ENOX1: variants seen among roughly 807,000 people sequenced by gnomAD.
ENOX1 encodes ecto-NOX disulfide-thiol exchanger 1.
A neutral mutation model predicts 82.5 loss-of-function variants in ENOX1; 42 were observed. The observed-to-expected ratio is 0.51, with a 90% CI of 0.40 to 0.66. The LOEUF (loss-of-function observed/expected upper bound fraction) is 0.66. ENOX1 is among the 30% of genes least tolerant of loss of function. The pLI is 0.00. For synonymous variants in ENOX1, 271 were observed against 282.2 expected (o/e 0.96, Z 0.40); for missense variants, 608 against 811.6 (o/e 0.75, Z 3.05).
intron 3 of ENOX1, among the ~76,000 whole-genome samples, chr13:43,468,272 C>CAGTCTCCTAAATAG (rs992646794): frequency 2.0e-5 from 3 of 149,512 alleles, no homozygotes; most frequent in Non-Finnish European, 4.5e-5. Context: ...ACCTCCGCCT[C>CAGTCTCCTAAATAG]CTGGGTTCAA....
At chr13:43,577,064 G>A (rs2080460854) in intron 2 of ENOX1, among the ~76,000 whole-genome samples, 1 of 152,234 alleles carries the variant, frequency 6.6e-6, no homozygotes, top group African/African-American at 2.4e-5. Context: ...CAGAGAATGG[G>A]AGAGAAGGGA....
At chr13:43,586,828 G>T (rs1296137121) in intron 2 of ENOX1, among the ~76,000 whole-genome samples, 2 of 152,028 alleles carry the variant, frequency 1.3e-5, no homozygotes, top group Admixed American at 1.3e-4. Context: ...ACTTTGGGAG[G>T]CTGAGGCAGG....
chr13:43,713,074 T>C (rs547422882), intron 1 of ENOX1, among the ~76,000 whole-genome samples: 1 of 152,328 alleles, frequency 6.6e-6, no homozygotes, highest in East Asian at 1.9e-4. Context: ...CTTATTATTT[T>C]GAGATTCGTC....
chr13:43,470,342 G>GTA (rs56828107), intron 3 of ENOX1, among the ~76,000 whole-genome samples: 1,004 of 43,016 alleles, frequency 0.023, 295 homozygotes, highest in Non-Finnish European at 0.035. Flanking sequence ...ATATATATAC[G>GTA]TATATATATA....
intron 2 of ENOX1, among the ~76,000 whole-genome samples, chr13:43,599,173 CAACT>C (rs1421692330): frequency 6.6e-6 from 1 of 152,036 alleles, no homozygotes; most frequent in Non-Finnish European, 1.5e-5. Flanking sequence ...CAAAATTGGA[CAACT>C]ATTCACACCC....
Position 43,638,081 on chromosome 13 carries a change from T to C in ENOX1, c.-219+29398A>G, listed in dbSNP as rs569280070. Among the ~76,000 whole-genome samples the C allele has an allele frequency of 5.3e-5, 8 of 152,310 alleles. 1 individual carries two copies. The highest frequency in any genetic ancestry group is 5.2e-4 in the Admixed American group (8 of 15,292). ...GTTCAACTCGTCCTCTAAGAGGATA[T>C]GGACTAGAAAATCTTTATTGCTGCA... On this transcript the variant is annotated intron_variant, in intron 2 of 16. Coordinates refer to ENST00000690772, the MANE Select transcript of ENOX1 (RefSeq NM_001347969.2).
At chr13:43,439,255 C>T (rs1304824206) in intron 3 of ENOX1, among the ~76,000 whole-genome samples, 5 of 149,450 alleles carry the variant, frequency 3.3e-5, no homozygotes, top group Non-Finnish European at 5.9e-5. Context: ...TTTTTTGAGA[C>T]GGAGTCTCAC....
intron 2 of ENOX1, among the ~76,000 whole-genome samples, chr13:43,486,314 G>A (rs1314625843): frequency 6.6e-6 from 1 of 152,058 alleles, no homozygotes; most frequent in African/African-American, 2.4e-5. Flanking sequence ...AACCCAGGAG[G>A]TGGAGGCTGC....
At chr13:43,333,884 A>G (rs1438080510) in intron 9 of ENOX1, among the ~76,000 whole-genome samples, 1 of 152,206 alleles carries the variant, frequency 6.6e-6, no homozygotes, top group Non-Finnish European at 1.5e-5. Context: ...CGGCCTCGCA[A>G]AGTGCTGGGA....
intron 12 of ENOX1, among the ~76,000 whole-genome samples, chr13:43,273,978 T>G (rs911671443): frequency 9.2e-5 from 14 of 152,108 alleles, no homozygotes; most frequent in Non-Finnish European, 1.6e-4. Context: ...TTTCCCCACT[T>G]CTATGGGATT....
intron 2 of ENOX1, among the ~76,000 whole-genome samples, chr13:43,523,528 A>G (rs1241093038): frequency 6.6e-6 from 1 of 152,178 alleles, no homozygotes; most frequent in Non-Finnish European, 1.5e-5. Context: ...AGGACTGTGA[A>G]CGGGATCAAT....
chr13:43,500,101 T>C (rs1454957903), intron 2 of ENOX1, among the ~76,000 whole-genome samples: 5 of 152,032 alleles, frequency 3.3e-5, no homozygotes, highest in Non-Finnish European at 2.9e-5. Context: ...AGCTAATATA[T>C]GGACTAGCAA....
intron 1 of ENOX1, among the ~76,000 whole-genome samples, chr13:43,693,694 G>T (rs2086488432): frequency 6.6e-6 from 1 of 152,114 alleles, no homozygotes; most frequent in Non-Finnish European, 1.5e-5. Flanking sequence ...CAGCTCTAAG[G>T]ATAAACGCAT....
chr13:43,770,731 G>T (rs1014760958), intron 1 of ENOX1, among the ~76,000 whole-genome samples: 21 of 148,900 alleles, frequency 1.4e-4, no homozygotes, highest in Admixed American at 5.3e-4. Context: ...ACAGACTCAA[G>T]AGATATGCCT....
intron 11 of ENOX1, among the ~76,000 whole-genome samples, chr13:43,309,933 G>A (rs1008613367): frequency 4.6e-5 from 7 of 152,168 alleles, no homozygotes; most frequent in Admixed American, 6.5e-5. Flanking sequence ...ACTGGGCGTG[G>A]TGGCTCACGC....
rs544516761 is a variant in ENOX1, at chr13:43,480,259, A to G, written c.-75+3750T>C. Among the ~76,000 whole-genome samples, 397 of 152,254 alleles carry G rather than the reference A, an allele frequency of 2.6e-3. 1 individual carries two copies. Among genetic ancestry groups the G allele is most frequent in the Non-Finnish European group, 3.0e-3 (204 of 68,018 alleles). On this transcript the variant is annotated intron_variant, in intron 3 of 16. Transcript: ENST00000690772. ...TGGCTGGTTACTAAACATTCTAAACATGCATGGGACAACCTTGCATCACAA... is the reference window on the plus strand; with the variant it reads ...TGGCTGGTTACTAAACATTCTAAACGTGCATGGGACAACCTTGCATCACAA...
chr13:43,432,070 C>G (rs917266749), intron 3 of ENOX1, among the ~76,000 whole-genome samples: 8 of 152,100 alleles, frequency 5.3e-5, no homozygotes, highest in Non-Finnish European at 1.0e-4. Flanking sequence ...ACAATAAAGG[C>G]GCTCTCACTT....
chr13:43,429,096 A>C (rs1462615388), intron 3 of ENOX1, among the ~76,000 whole-genome samples: 1 of 152,180 alleles, frequency 6.6e-6, no homozygotes, highest in Non-Finnish European at 1.5e-5. Flanking sequence ...TTGGCAGCAC[A>C]ATTTGCATAC....
chr13:43,268,662 AT>A (rs933207115), intron 13 of ENOX1, among the ~76,000 whole-genome samples: 23 of 152,346 alleles, frequency 1.5e-4, no homozygotes, highest in African/African-American at 5.3e-4. Context: ...GTGTAAGGTT[AT>A]TTATACAATA....
Sources: allele counts gnomAD v4.1 joint callset (sites outside exome capture counted in the v4.1 genomes callset), GRCh38; gene constraint gnomAD v4.1.1; transcripts MANE v1.5; gene names NCBI Gene and HGNC (gene_info 2026-07-23, HGNC 2026-07-21).